The following ERI1 variants were observed in gnomAD, a reference collection of about 807,000 sequenced individuals.
ERI1 encodes exoribonuclease 1.
In ERI1, 39 loss-of-function variants were observed where a neutral mutation model predicts 39.7. The observed-to-expected ratio is 0.98, with a 90% CI of 0.76 to 1.28. The LOEUF (loss-of-function observed/expected upper bound fraction) is 1.28. ERI1 is among the 50% of genes most tolerant of loss of function. The pLI is 0.00. For missense variants in ERI1, 581 were observed against 416.9 expected, an observed-to-expected ratio of 1.39 and a Z score of -3.43; for synonymous variants, 204 against 149.6, an observed-to-expected ratio of 1.36 and a Z score of -2.65.
chr8:9,009,037 A>G (rs1201357390), intron 2 of ERI1: 2 of 456,232 alleles, frequency 4.4e-6, no homozygotes, highest in South Asian at 3.1e-5. Flanking sequence ...TGAAGGTACA[A>G]CTTGTAGCCT....
At chr8:9,087,338 C>T (rs746054777) in intron 3 of ERI1, among the ~76,000 whole-genome samples, 5 of 151,560 alleles carry the variant, frequency 3.3e-5, no homozygotes, top group Admixed American at 6.6e-5. Flanking sequence ...CTCCGCCTCC[C>T]GGGTTGAAGC....
At chr8:9,088,024 C>T (rs1220180658) in intron 3 of ERI1, among the ~76,000 whole-genome samples, 1 of 152,156 alleles carries the variant, frequency 6.6e-6, no homozygotes, top group Non-Finnish European at 1.5e-5. Context: ...TACAGGTGCA[C>T]AGAGCTACAT....
At chr8:9,075,705 A>C (rs1422569648) in intron 3 of ERI1, among the ~76,000 whole-genome samples, 2 of 152,212 alleles carry the variant, frequency 1.3e-5, no homozygotes, top group Non-Finnish European at 2.9e-5. Flanking sequence ...CTCAGGGAAA[A>C]TGAACATGAA....
chr8:9,008,786 A>G (rs1158542488), intron 2 of ERI1, among the ~76,000 whole-genome samples: 1 of 152,206 alleles, frequency 6.6e-6, no homozygotes, highest in Non-Finnish European at 1.5e-5. Context: ...AGAAAAATAC[A>G]TCGATTTTTG....
intron 1 of ERI1, among the ~76,000 whole-genome samples, chr8:9,006,809 C>G (rs1816068792): frequency 6.6e-6 from 1 of 152,120 alleles, no homozygotes; most frequent in African/African-American, 2.4e-5. Context: ...TACTCTGGCA[C>G]CTTACCTAGC....
At chr8:9,021,774 G>GTTTTTTTT (rs200507835) in intron 6 of ERI1, among the ~76,000 whole-genome samples, 1 of 88,286 alleles carries the variant, frequency 1.1e-5, no homozygotes, top group African/African-American at 4.2e-5. Context: ...TGTTTTTTTT[G>GTTTTTTTT]TTTTTTTTTT....
chr8:9,029,613 G>C (rs1032918171), intron 6 of ERI1, among the ~76,000 whole-genome samples, 179 bp from the exon 7 acceptor site: 4 of 152,214 alleles, frequency 2.6e-5, no homozygotes, highest in African/African-American at 9.6e-5. Context: ...TTACAGGCGT[G>C]AGCCACCTTG....
At chr8:9,067,419 T>TGC (rs1798915195) in intron 3 of ERI1, among the ~76,000 whole-genome samples, 1 of 137,168 alleles carries the variant, frequency 7.3e-6, no homozygotes, top group Non-Finnish European at 1.6e-5. Context: ...TGTGTGTGTG[T>TGC]GCAATATCAA....
intron 3 of ERI1, among the ~76,000 whole-genome samples, chr8:9,039,461 A>G (rs1035056093): frequency 6.6e-6 from 1 of 152,198 alleles, no homozygotes; most frequent in Non-Finnish European, 1.5e-5. Flanking sequence ...ACATACAAAA[A>G]TCATTAAAAA....
At position 9,068,399 on chromosome 8, in the gene ERI1, G is replaced by C. The variant is rs111653239; in HGVS notation, n.299+47935G>C. On this transcript the variant is annotated intron_variant and non_coding_transcript_variant, in intron 3 of 3. Transcript: ENST00000518663. ...TTGCCCAAGCTGCAGTGCAGTGGCA[G>C]CATCATAGCTCGCTGCAGGCCAGAA... Among the ~76,000 whole-genome samples, 344 of 152,272 alleles carry C rather than the reference G, an allele frequency of 2.3e-3. 2 individuals carry two copies. The highest frequency in any genetic ancestry group is 7.9e-3 in the African/African-American group (328 of 41,562).
chr8:9,090,654 T>A (rs535331649), intron 3 of ERI1, among the ~76,000 whole-genome samples: 3 of 152,238 alleles, frequency 2.0e-5, no homozygotes, highest in African/African-American at 7.2e-5. Context: ...AAACTCTCTC[T>A]GGGGTCCTCC....
At chr8:9,044,379 G>C (rs955911677) in intron 3 of ERI1, among the ~76,000 whole-genome samples, 7 of 152,134 alleles carry the variant, frequency 4.6e-5, no homozygotes, top group Non-Finnish European at 2.9e-5. Context: ...GTGGGAATCA[G>C]GAGGATGTGA....
chr8:9,050,158 A>T (rs1340551648), intron 3 of ERI1, among the ~76,000 whole-genome samples: 1 of 113,458 alleles, frequency 8.8e-6, no homozygotes, highest in Non-Finnish European at 1.8e-5. Context: ...TGCCTGGTAC[A>T]TTCTAAGTGG....
chr8:9,096,200 C>T (rs1799872853), intron 3 of ERI1, among the ~76,000 whole-genome samples: 1 of 152,206 alleles, frequency 6.6e-6, no homozygotes, highest in South Asian at 2.1e-4. Flanking sequence ...AATGAAAAGT[C>T]AACAGTGCCT....
rs781720409 is a variant in ERI1 at position 9,011,728 on chromosome 8, A to G, written c.474A>G (p.Leu158=). The part of the protein sequence containing the change: ...VHEIIEFPVV[L]LNTHTLEIED... ...AAATAATTGAATTTCCGGTTGTTTT[A>G]CTGAATACGCATACTTTAGAAATAG... Residue 158 remains leucine, a synonymous_variant, in exon 3 of 7, where the codon TTA becomes TTG. Coordinates refer to ENST00000250263, the MANE Select transcript of ERI1 (RefSeq NM_153332.4). The G allele has an allele frequency of 1.9e-5, 30 of 1,609,702 alleles. No individual in the cohort carries two copies. The South Asian group carries it at 2.5e-4, about 14-fold the overall frequency.
rs777672488 is a variant in ERI1, at chr8:9,030,069, T to C, written c.*35T>C. The C allele has an allele frequency of 1.9e-6, 3 of 1,606,924 alleles. No individual in the cohort carries two copies. The highest frequency in any genetic ancestry group is 2.6e-6 in the Non-Finnish European group (3 of 1,174,242). On this transcript the variant is annotated 3_prime_UTR_variant, in exon 7 of 7. Coordinates refer to ENST00000250263, the MANE Select transcript of ERI1 (RefSeq NM_153332.4). ...TGTGTGTGGATCATTCCAATTGAAG[T>C]TGCTATGAAGAGGTAGCAGATGAAT...
intron 3 of ERI1, among the ~76,000 whole-genome samples, chr8:9,058,980 C>A (rs1481062192): frequency 6.6e-6 from 1 of 152,060 alleles, no homozygotes; most frequent in African/African-American, 2.4e-5. Flanking sequence ...GTTTATTTCA[C>A]CTGGGTACAG....
chr8:9,017,671 A>G (rs1006657817), intron 4 of ERI1, among the ~76,000 whole-genome samples: 2 of 152,172 alleles, frequency 1.3e-5, no homozygotes, highest in Admixed American at 1.3e-4. Context: ...GCAGAAAAGA[A>G]TGGCTGGGCA....
chr8:9,011,904 T>C (rs1816713556), intron 3 of ERI1, 152 bp downstream of exon 3: 4 of 539,408 alleles, frequency 7.4e-6, no homozygotes, highest in African/African-American at 1.9e-5. Context: ...GCTTGATTAA[T>C]AGAAAAGCTG....
Sources: gnomAD v4.1 joint callset for allele counts (sites outside exome capture counted in the v4.1 genomes callset) on GRCh38, gnomAD v4.1.1 for gene constraint, MANE v1.5 for transcripts, NCBI Gene and HGNC (gene_info 2026-07-23, HGNC 2026-07-21) for gene names.